The following CAPN9 variants were observed in gnomAD, a reference collection of about 807,000 sequenced individuals.
CAPN9 encodes the protein calpain-9.
In CAPN9, 81 loss-of-function variants were observed where a neutral mutation model predicts 92.8. The observed-to-expected ratio is 0.87, with a 90% CI of 0.73 to 1.05. The LOEUF (loss-of-function observed/expected upper bound fraction) is 1.05, where lower values mean the gene tolerates loss of function less well. Among genes scored for constraint, CAPN9 ranks in the 50% least tolerant of loss-of-function variants. The pLI, the probability that CAPN9 is intolerant of heterozygous loss-of-function variation, is 0.00. For missense variants in CAPN9, 848 were observed against 866.2 expected (o/e 0.98, Z 0.26); for synonymous variants, 304 against 328.0 (o/e 0.93, Z 0.79).
intron 8 of CAPN9, among the ~76,000 whole-genome samples, chr1:230,777,264 G>A (rs28359673): frequency 0.013 from 1,970 of 152,220 alleles, 48 homozygotes; most frequent in African/African-American, 0.045. Flanking sequence ...CCACAAAGAA[G>A]AGCGTCCATG....
At chr1:230,769,647 A>G (rs1184740627) in intron 6 of CAPN9, among the ~76,000 whole-genome samples, 1 of 128,666 alleles carries the variant, frequency 7.8e-6, no homozygotes, top group Non-Finnish European at 1.8e-5. Context: ...CTATCTATCT[A>G]TCTATCTATC....
At chr1:230,765,431 G>T (rs1434347013) in intron 4 of CAPN9, among the ~76,000 whole-genome samples, 3 of 152,150 alleles carry the variant, frequency 2.0e-5, no homozygotes, top group Admixed American at 2.0e-4. Flanking sequence ...GGCCGAAGTA[G>T]GTGGATCACC....
chr1:230,801,724 C>A lies in CAPN9; in HGVS notation c.*128C>A. 2.4e-6 allele frequency: 2 copies of A among 842,108 alleles called. No homozygotes were observed. Among genetic ancestry groups the A allele is most frequent in the African/African-American group, 1.7e-5 (1 of 60,318 alleles). 52.2% of individuals were successfully genotyped at this position (842,108 alleles called of 1,614,324 possible). ...CCCCTCTCATCGTCCGGCCTTCTCC[C>A]TTCATCTTGATCTGGGAAGAATGAA... On this transcript the variant is annotated 3_prime_UTR_variant, in exon 20 of 20. Transcript: ENST00000271971.
chr1:230,780,466 C>T, intron 10 of CAPN9, 34 bp from the exon 11 acceptor site: 2 of 1,609,664 alleles, frequency 1.2e-6, no homozygotes, highest in Non-Finnish European at 1.7e-6. Context: ...GAGGAACTTC[C>T]CTAGGAAACC....
chr1:230,760,937 G>A (rs1665593036), intron 3 of CAPN9, among the ~76,000 whole-genome samples: 1 of 152,192 alleles, frequency 6.6e-6, no homozygotes, highest in African/African-American at 2.4e-5. Flanking sequence ...AAAAGGAACA[G>A]TGTTCTTGTC....
chr1:230,747,547 G>A lies in CAPN9; in HGVS notation c.51G>A (p.Lys17=), dbSNP rs745743276. ...GGCCTCAGGCACACCCGGTTCCCAA[G>A]GACGCCCGGATCACCCACTCCTCAG... ...APGPQAHPVP[K]DARITHSSGQ... The change falls in exon 1 of 20, where the codon AAG becomes AAA. Residue 17 remains lysine, a synonymous_variant. Coordinates refer to ENST00000271971, the MANE Select transcript of CAPN9 (RefSeq NM_006615.3). 5 of 1,614,036 alleles carry A rather than the reference G, an allele frequency of 3.1e-6. No homozygotes were observed. Among genetic ancestry groups the A allele is most frequent in the Non-Finnish European group, 4.2e-6 (5 of 1,180,042 alleles).
chr1:230,767,798 C>A, intron 5 of CAPN9, 89 bp downstream of exon 5: 1 of 1,225,682 alleles, frequency 8.2e-7, no homozygotes, highest in Non-Finnish European at 1.1e-6. Context: ...ACCAGGTACC[C>A]CAGCCACACC....
chr1:230,749,948 G>A (rs1664661400), intron 1 of CAPN9, among the ~76,000 whole-genome samples: 1 of 152,066 alleles, frequency 6.6e-6, no homozygotes, highest in South Asian at 2.1e-4. Flanking sequence ...CTTACTTTTT[G>A]TCAAAGTTAG....
chr1:230,773,763 C>G (rs1666545795), intron 7 of CAPN9, among the ~76,000 whole-genome samples: 1 of 152,160 alleles, frequency 6.6e-6, no homozygotes, highest in Non-Finnish European at 1.5e-5. Context: ...CCCGGCTGAT[C>G]CTCCCCTTGG....
At chr1:230,759,181 A>G (rs1443963521) in intron 2 of CAPN9, among the ~76,000 whole-genome samples, 1 of 152,198 alleles carries the variant, frequency 6.6e-6, no homozygotes, top group African/African-American at 2.4e-5. Context: ...CCGTGCTGAC[A>G]CTGATGTATG....
chr1:230,778,875 A>T, intron 8 of CAPN9, 98 bp from the exon 9 acceptor site: 1 of 1,141,138 alleles, frequency 8.8e-7, no homozygotes, highest in South Asian at 1.5e-5. Flanking sequence ...CAGGAACAAG[A>T]TGATTTAATG....
intron 3 of CAPN9, among the ~76,000 whole-genome samples, chr1:230,760,892 A>G (rs1205882644): frequency 7.3e-6 from 1 of 137,768 alleles, no homozygotes; most frequent in South Asian, 2.3e-4. Flanking sequence ...TACTGCCTCT[A>G]AACCAGAACC....
At chr1:230,768,873 C>G (rs909178035) in intron 5 of CAPN9, among the ~76,000 whole-genome samples, 1 of 152,122 alleles carries the variant, frequency 6.6e-6, no homozygotes, top group Admixed American at 6.5e-5. Context: ...GTGATTGTGT[C>G]TTCTCTCTCA....
In CAPN9 at chr1:230,772,099, G is replaced by A. The variant is rs972328168; in HGVS notation, c.875G>A (p.Ser292Asn). The change falls in exon 7 of 20, where the codon AGT becomes AAT. Residue 292 changes from serine to asparagine, a missense_variant and splice_region_variant. Ser to Asn is a conservative substitution (Grantham distance 46). Coordinates refer to ENST00000271971, the MANE Select transcript of CAPN9 (RefSeq NM_006615.3). Reference protein sequence around the residue: ...QVEWNGSWSDSSPEWRSVGPA... With the variant: ...QVEWNGSWSDNSPEWRSVGPA... ...GAGTGGAACGGGTCGTGGAGCGACA[G>A]GTCAGTCACCCTATCCTGCCTCTCT... The A allele has an allele frequency of 6.2e-7, 1 of 1,613,838 alleles. No individual in the cohort carries two copies.
At chr1:230,760,304 T>C (rs1665550002) in intron 3 of CAPN9, among the ~76,000 whole-genome samples, 1 of 152,056 alleles carries the variant, frequency 6.6e-6, no homozygotes, top group African/African-American at 2.4e-5. Context: ...CTTTCTACAC[T>C]CGTCTGAAAA....
chr1:230,761,177 A>G (rs1665609479), intron 3 of CAPN9, among the ~76,000 whole-genome samples: 1 of 152,082 alleles, frequency 6.6e-6, no homozygotes, highest in Non-Finnish European at 1.5e-5. Context: ...TCAGTCCCGC[A>G]ATAACAATAC....
At position 230,801,648 on chromosome 1, in the gene CAPN9, T is replaced by C; in HGVS notation, c.*52T>C. 1 of 1,559,642 alleles carries C rather than the reference T, an allele frequency of 6.4e-7. No individual in the cohort carries two copies. The highest frequency in any genetic ancestry group is 8.8e-7 in the Non-Finnish European group (1 of 1,130,344). On this transcript the variant is annotated 3_prime_UTR_variant, in exon 20 of 20. Transcript: ENST00000271971. ...CCAGCTGAATCTTGGCTTCTGGACC[T>C]TGACCTTCAGAACTTCTCTTGGTGT...
At chr1:230,756,194 A>G (rs1665216624) in intron 2 of CAPN9, among the ~76,000 whole-genome samples, 1 of 152,172 alleles carries the variant, frequency 6.6e-6, no homozygotes, top group South Asian at 2.1e-4. Context: ...CTATTGGTTA[A>G]GAAAGGCCAT....
intron 11 of CAPN9, among the ~76,000 whole-genome samples, chr1:230,782,996 C>T (rs1253542334): frequency 6.6e-6 from 1 of 152,084 alleles, no homozygotes; most frequent in Non-Finnish European, 1.5e-5. Flanking sequence ...CAGCCTGTGC[C>T]ACAGAGTGAG....
Sources: gnomAD v4.1 joint callset for allele counts (sites outside exome capture counted in the v4.1 genomes callset) on GRCh38, gnomAD v4.1.1 for gene constraint, MANE v1.5 for transcripts, NCBI Gene and HGNC (gene_info 2026-07-23, HGNC 2026-07-21) for gene names.